The following ANO4 variants were observed in gnomAD, a reference collection of about 807,000 sequenced individuals.
The protein encoded by ANO4 is anoctamin-4.
Under a neutral mutation model 141.9 loss-of-function variants are expected in ANO4, and 69 were observed. That is an observed-to-expected ratio of 0.49 (90% confidence interval 0.40 to 0.59). The LOEUF is 0.59. Among genes scored for constraint, ANO4 ranks in the 20% least tolerant of loss-of-function variants. The pLI is 0.00. For missense variants in ANO4, 894 were observed against 1,162.2 expected (o/e 0.77, Z 3.36); for synonymous variants, 350 against 394.3 (o/e 0.89, Z 1.33).
intron 3 of ANO4, among the ~76,000 whole-genome samples, chr12:100,936,156 A>G (rs1220360108): frequency 6.6e-6 from 1 of 152,156 alleles, no homozygotes; most frequent in Non-Finnish European, 1.5e-5. Flanking sequence ...CATGACTTCC[A>G]GACAGTGATT....
chr12:101,015,120 G>A (rs2046261385), intron 8 of ANO4, among the ~76,000 whole-genome samples: 1 of 151,760 alleles, frequency 6.6e-6, no homozygotes. Context: ...ACTGCACCCA[G>A]CCAAAAATTG....
intron 5 of ANO4, among the ~76,000 whole-genome samples, chr12:100,965,255 G>A (rs1592859348): frequency 2.6e-5 from 4 of 152,022 alleles, no homozygotes; most frequent in Admixed American, 2.6e-4. Context: ...TTCTAGGCAC[G>A]GGATTTTTTT....
chr12:100,748,228 A>G (rs1342807180), intron 3 of ANO4, among the ~76,000 whole-genome samples: 1 of 152,188 alleles, frequency 6.6e-6, no homozygotes, highest in Non-Finnish European at 1.5e-5. Context: ...TCTTATAACA[A>G]ATTGTGACCA....
intron 8 of ANO4, among the ~76,000 whole-genome samples, chr12:101,007,150 C>T (rs111411719): frequency 0.22 from 34,134 of 152,000 alleles, 4,132 homozygotes; most frequent in Non-Finnish European, 0.28. Flanking sequence ...GTCAAGAGTT[C>T]GAGAGCAGCC....
Position 101,019,994 on chromosome 12 carries a change from C to T in ANO4, c.735-40C>T, listed in dbSNP as rs765143925. The T allele has an allele frequency of 1.7e-5, 26 of 1,514,046 alleles. 1 individual carries two copies. The Middle Eastern group carries it at 5.1e-4, about 30-fold the overall frequency. The allele number at this position is 1,514,046 out of a possible 1,614,324, so 93.8% of individuals were successfully genotyped here. ...TAACAAAAATTAGATCCTTCACCTC[C>T]GATTAATTCTCAACTTGTATTTTTA... is the stretch of plus-strand genomic sequence containing the variant. On this transcript the variant is annotated intron_variant, in intron 8 of 27. Transcript: ENST00000392977.
At chr12:101,118,417 G>A (rs754024085) in intron 25 of ANO4, among the ~76,000 whole-genome samples, 1 of 151,970 alleles carries the variant, frequency 6.6e-6, no homozygotes, top group Non-Finnish European at 1.5e-5. Flanking sequence ...GTTTTGTTTA[G>A]CATTTTTCTT....
chr12:100,814,193 C>A (rs1400745445), intron 1 of ANO4, among the ~76,000 whole-genome samples: 2 of 151,998 alleles, frequency 1.3e-5, no homozygotes, highest in South Asian at 2.1e-4. Flanking sequence ...TTTTGTGGTG[C>A]CTTATGTAAA....
rs371227087 is a variant in ANO4, at chr12:100,898,244, T to C, written c.-140-3402T>C. On this transcript the variant is annotated intron_variant, in intron 1 of 27. Transcript: ENST00000392977. ...ACTAAGAACAAATTGGATGATGTAATTTATTGGCTGACAATTCATTTCTAA... is the reference window on the plus strand; with the variant it reads ...ACTAAGAACAAATTGGATGATGTAACTTATTGGCTGACAATTCATTTCTAA... Among the ~76,000 whole-genome samples the C allele has an allele frequency of 1.7e-4, 26 of 152,354 alleles. No individual in the cohort carries two copies. In the East Asian group the frequency reaches 2.5e-3, roughly 15 times the overall value.
chr12:100,723,511 G>C (rs1446991941), intron 1 of ANO4, among the ~76,000 whole-genome samples: 1 of 152,152 alleles, frequency 6.6e-6, no homozygotes, highest in Non-Finnish European at 1.5e-5. Flanking sequence ...TCATGAACAA[G>C]AAGATAGAAG....
At chr12:101,127,804 A>T (rs984144387) in intron 27 of ANO4, 57 bp from the exon 28 acceptor site, 2 of 152,670 alleles carry the variant, frequency 1.3e-5, no homozygotes, top group Non-Finnish European at 2.9e-5. Context: ...ATTGCACCTC[A>T]TGTTTTAAAG....
chr12:100,944,712 G>A (rs556131440), intron 5 of ANO4, among the ~76,000 whole-genome samples: 6 of 152,154 alleles, frequency 3.9e-5, no homozygotes, highest in South Asian at 2.1e-4. Flanking sequence ...TTGCATCTTC[G>A]TGGACTCAGT....
At chr12:100,949,299 TA>T (rs1227302470) in intron 5 of ANO4, among the ~76,000 whole-genome samples, 2 of 152,214 alleles carry the variant, frequency 1.3e-5, no homozygotes, top group Admixed American at 6.5e-5. Context: ...TATAGTAATT[TA>T]TTATGCAACA....
At chr12:101,006,939 G>A (rs1362979727) in intron 8 of ANO4, among the ~76,000 whole-genome samples, 1 of 152,116 alleles carries the variant, frequency 6.6e-6, no homozygotes, top group Non-Finnish European at 1.5e-5. Flanking sequence ...GTGCATTTTT[G>A]TATGTTTAAA....
intron 8 of ANO4, among the ~76,000 whole-genome samples, chr12:101,010,474 T>C (rs1159877056): frequency 8.5e-5 from 13 of 152,204 alleles, no homozygotes; most frequent in African/African-American, 2.9e-4. Context: ...TTCAATGTTA[T>C]ATATTTGGCC....
At position 100,942,439 on chromosome 12, in the gene ANO4, C is replaced by T. The variant is rs781715300; in HGVS notation, c.360C>T (p.Asp120=). ...TTCGAGATGGAAAGTGTCGAATTGA[C>T]TACATCCTTGTGTACAGAAAATCCA... ...LYFRDGKCRI[D]YILVYRKSNP... Residue 120 remains aspartate, a synonymous_variant, in exon 5 of 28, where the codon GAC becomes GAT. Transcript: ENST00000392977. 5 of 1,613,984 alleles carry T rather than the reference C, an allele frequency of 3.1e-6. No individual in the cohort carries two copies. The highest frequency in any genetic ancestry group is 4.2e-6 in the Non-Finnish European group (5 of 1,179,964).
chr12:101,022,523 T>C (rs565460515), intron 9 of ANO4, among the ~76,000 whole-genome samples: 17 of 152,372 alleles, frequency 1.1e-4, no homozygotes, highest in African/African-American at 3.1e-4. Context: ...TAATTTCTTA[T>C]TCATTCATAT....
rs890257005 is a variant in ANO4, at chr12:101,126,803, C to G, written c.2677-76C>G. ...TCCACATACCCCAGAGGGTCCACAT[C>G]CTTCTTCAGCCAACTCTCTAACCTC... On this transcript the variant is annotated intron_variant, in intron 26 of 27. Coordinates refer to ENST00000392977, the MANE Select transcript of ANO4 (RefSeq NM_001286615.2). 3.6e-6 allele frequency: 5 copies of G among 1,377,160 alleles called. No individual in the cohort carries two copies. The African/African-American group carries it at 7.2e-5, about 20-fold the overall frequency. The allele number at this position is 1,377,160 out of a possible 1,614,324, so 85.3% of individuals were successfully genotyped here. A position where few individuals can be genotyped will look rare whatever the true frequency, so the allele number is the denominator to read the frequency against.
At chr12:101,067,653 A>T (rs2048647076) in intron 14 of ANO4, among the ~76,000 whole-genome samples, 1 of 152,244 alleles carries the variant, frequency 6.6e-6, no homozygotes, top group South Asian at 2.1e-4. Flanking sequence ...ACTTCACTCC[A>T]GCCTGGGTGA....
At chr12:100,989,716 CAGATGGATGGATGGGTGGAT>C (rs140309091) in intron 8 of ANO4, among the ~76,000 whole-genome samples, 3,770 of 100,548 alleles carry the variant, frequency 0.037, 94 homozygotes, top group South Asian at 0.058. Flanking sequence ...GATACATCAC[CAGATGGATGGATGGGTGGAT>C]AGATGGATGG....
Sources: gnomAD v4.1 joint callset for allele counts (sites outside exome capture counted in the v4.1 genomes callset) on GRCh38, gnomAD v4.1.1 for gene constraint, MANE v1.5 for transcripts, NCBI Gene and HGNC (gene_info 2026-07-23, HGNC 2026-07-21) for gene names.